The following SNX25 variants were observed in gnomAD, a reference collection of about 807,000 sequenced individuals.
SNX25 encodes sorting nexin-25.
SNX25 carries 62 observed loss-of-function variants against 113.7 expected under a neutral mutation model. The ratio of observed to expected loss-of-function variants is 0.55; its 90% CI spans 0.44 to 0.67. The LOEUF (loss-of-function observed/expected upper bound fraction) is 0.67, where lower values mean the gene tolerates loss of function less well. Ranked by LOEUF, SNX25 falls within the 30% of genes least tolerant of loss-of-function variation. The probability of loss-of-function intolerance (pLI) is 0.00; values close to 1 mark genes in which losing one functional copy is unlikely to be tolerated. For synonymous variants in SNX25, 421 were observed against 436.2 expected (o/e 0.97, Z 0.43); for missense variants, 1,014 against 1,161.0 (o/e 0.87, Z 1.84).
intron 14 of SNX25, among the ~76,000 whole-genome samples, chr4:185,352,216 G>A (rs895450956): frequency 6.6e-6 from 1 of 152,176 alleles, no homozygotes; most frequent in Non-Finnish European, 1.5e-5. Context: ...AGAGTAGGCT[G>A]TGCACTCCTG....
In SNX25 at chr4:185,298,746, A is replaced by G. The variant is rs576948618; in HGVS notation, c.1162+10664A>G. 7.3e-5 allele frequency among the ~76,000 whole-genome samples: 11 copies of G among 151,502 alleles called. No homozygotes were observed. The South Asian group carries it at 1.9e-3, about 26-fold the overall frequency. ...TTTCTTCTTCTTGAAGTGCTACCCT[A>G]CTCTCGATATCACTCTGTCTAGATA... On this transcript the variant is annotated intron_variant, in intron 6 of 18. Transcript: ENST00000652585.
In SNX25 at chr4:185,320,739, C is replaced by G; in HGVS notation, c.1351C>G (p.Gln451Glu). The change falls in exon 8 of 19, where the codon CAG (glutamine) becomes GAG (glutamate). Residue 451 changes from glutamine (Q) to glutamate (E), a missense_variant. Coordinates refer to ENST00000652585, the MANE Select transcript of SNX25 (RefSeq NM_001378034.2). Reference protein sequence around the residue: ...GEGPQSQKILQFEDILANTFY... With the variant: ...GEGPQSQKILEFEDILANTFY... ...TCTTAAATTCTCTTAATAGATTCTT[C>G]AGTTTGAAGATATCTTGGCCAATAC... is the stretch of plus-strand genomic sequence containing the variant. The G allele has an allele frequency of 6.6e-7, 1 of 1,518,428 alleles. No homozygotes were observed. The highest frequency in any genetic ancestry group is 8.8e-7 in the Non-Finnish European group (1 of 1,134,950). 94.1% of individuals were successfully genotyped at this position (1,518,428 alleles called of 1,614,324 possible). A position where few individuals can be genotyped will look rare whatever the true frequency, so the allele number is the denominator to read the frequency against.
intron 1 of SNX25, among the ~76,000 whole-genome samples, chr4:185,238,619 G>C (rs1486878554): frequency 6.6e-6 from 1 of 152,140 alleles, no homozygotes; most frequent in Non-Finnish European, 1.5e-5. Context: ...TACTTGGAGA[G>C]ACTCAGCCAT....
At chr4:185,254,491 A>G (rs1400216275) in intron 2 of SNX25, among the ~76,000 whole-genome samples, 1 of 152,150 alleles carries the variant, frequency 6.6e-6, no homozygotes, top group African/African-American at 2.4e-5. Flanking sequence ...CGCTCAGGGG[A>G]AAAGACAAGG....
At chr4:185,256,624 CTT>C (rs35160292) in intron 2 of SNX25, among the ~76,000 whole-genome samples, 18 of 112,544 alleles carry the variant, frequency 1.6e-4, no homozygotes, top group Admixed American at 2.2e-4. Flanking sequence ...ACCTAAATTT[CTT>C]TTTTTTTTTT....
intron 15 of SNX25, among the ~76,000 whole-genome samples, chr4:185,355,357 A>G (rs78007466): frequency 0.014 from 2,107 of 152,372 alleles, 50 homozygotes; most frequent in African/African-American, 0.049. Context: ...CTAAGAGAAT[A>G]TAAAATGTCA....
Position 185,209,789 on chromosome 4 carries a change from C to T in SNX25, c.-38C>T, listed in dbSNP as rs915177392. ...GGAGCGCCGGCGGGGGACCGGGGGG[C>T]AGGAGATGTGCCTGTCCTTAGCGGC... On this transcript the variant is annotated 5_prime_UTR_variant, in exon 1 of 19. Transcript: ENST00000652585. This position sits in a 1 kb window ranked among gnomAD's most constrained non-coding sequence, Gnocchi z 5.2. 2.0e-4 allele frequency: 201 copies of T among 983,582 alleles called. 1 individual carries two copies. The highest frequency in any genetic ancestry group is 2.3e-4 in the Non-Finnish European group (193 of 829,320). 60.9% of individuals were successfully genotyped at this position (983,582 alleles called of 1,614,324 possible).
intron 2 of SNX25, among the ~76,000 whole-genome samples, chr4:185,253,492 G>A (rs375826211): frequency 1.4e-5 from 2 of 146,520 alleles, no homozygotes; most frequent in South Asian, 2.1e-4. Context: ...TTTTGAGACC[G>A]AGTCTTACTC....
At chr4:185,301,005 T>C (rs1245576213) in intron 6 of SNX25, among the ~76,000 whole-genome samples, 1 of 152,136 alleles carries the variant, frequency 6.6e-6, no homozygotes, top group Non-Finnish European at 1.5e-5. Context: ...GACCTTTTCC[T>C]ACCCTCCTTT....
chr4:185,270,595 A>G (rs1334050435), intron 5 of SNX25, among the ~76,000 whole-genome samples: 1 of 150,980 alleles, frequency 6.6e-6, no homozygotes, highest in Non-Finnish European at 1.5e-5. Flanking sequence ...TAGTGTATTC[A>G]GAGACTCTGA....
chr4:185,240,986 T>A (rs1162812647), intron 1 of SNX25, among the ~76,000 whole-genome samples: 2 of 147,570 alleles, frequency 1.4e-5, no homozygotes, highest in Admixed American at 6.8e-5. Flanking sequence ...CGCTCCTCAC[T>A]TTCCAGACTG....
chr4:185,378,035 C>T, the SNX25 span: 1 of 1,452,914 alleles, frequency 6.9e-7, no homozygotes, highest in South Asian at 1.2e-5. Context: ...GCAAAATGAA[C>T]TGTTAAAGTG....
rs558869881 is a variant in SNX25, at chr4:185,324,710, G to A, written c.1749+910G>A. ...TTCAGCTATTAGGCTGATGCCCTTT[G>A]GATTTAGGTGGTTTTTGATCAAGGG... is the stretch of plus-strand genomic sequence containing the variant. On this transcript the variant is annotated intron_variant, in intron 9 of 18. Coordinates refer to ENST00000652585, the MANE Select transcript of SNX25 (RefSeq NM_001378034.2). 1.1e-4 allele frequency among the ~76,000 whole-genome samples: 17 copies of A among 152,244 alleles called. No individual in the cohort carries two copies. In the South Asian group the frequency reaches 3.3e-3, roughly 30 times the overall value.
Position 185,332,725 on chromosome 4 carries a change from A to G in SNX25, c.1880A>G (p.Asn627Ser). 6.2e-7 allele frequency: 1 copy of G among 1,613,948 alleles called. No individual in the cohort carries two copies. Among genetic ancestry groups the G allele is most frequent in the Non-Finnish European group, 8.5e-7 (1 of 1,179,964 alleles). The stretch of plus-strand genomic sequence containing the variant: ...CTTGAATATAAAAGGCAAGCTCTAA[A>G]TTCTATTCAAAATGCACCAAAACCT... ...EKLEYKRQALNSIQNAPKPDK... is the reference protein window; with the variant it reads ...EKLEYKRQALSSIQNAPKPDK... The change falls in exon 10 of 19, where the codon AAT becomes AGT. Residue 627 changes from asparagine to serine, a missense_variant. Physicochemically the swap from Asn to Ser is conservative, Grantham distance 46. Coordinates refer to ENST00000652585, the MANE Select transcript of SNX25 (RefSeq NM_001378034.2).
chr4:185,292,267 C>T (rs1579650376), intron 6 of SNX25, among the ~76,000 whole-genome samples: 1 of 151,694 alleles, frequency 6.6e-6, no homozygotes, highest in South Asian at 2.1e-4. Context: ...GAAGCAGTGA[C>T]GAGGGGAAAA....
At chr4:185,311,554 T>C (rs992713915) in intron 7 of SNX25, among the ~76,000 whole-genome samples, 1 of 152,216 alleles carries the variant, frequency 6.6e-6, no homozygotes, top group African/African-American at 2.4e-5. Flanking sequence ...GGAGCTTAGC[T>C]GTGCCGTGGA....
At chr4:185,370,328 C>T (rs1222740263), downstream of SNX25, 1 of 269,946 alleles carries the variant, frequency 3.7e-6, no homozygotes, top group Non-Finnish European at 7.4e-6. Context: ...TACATTCACA[C>T]TTGTTCTAGA....
At chr4:185,339,644 C>G in intron 11 of SNX25, 134 bp downstream of exon 11, 1 of 1,163,368 alleles carries the variant, frequency 8.6e-7, no homozygotes, top group Non-Finnish European at 1.2e-6. Context: ...TCCTACCTTC[C>G]TTCCCCCACA....
rs535161398 is a variant in SNX25 at position 185,224,251 on chromosome 4, C to G, written c.429+13996C>G. ...CCTGTAATCCCAGCTACTCGGGAGG[C>G]GAGGCAGGAGAATTGCTTGAACCCA... is the stretch of plus-strand genomic sequence containing the variant. On this transcript the variant is annotated intron_variant, in intron 1 of 18. Transcript: ENST00000652585. Among the ~76,000 whole-genome samples the G allele has an allele frequency of 6.6e-5, 10 of 151,244 alleles. No individual in the cohort carries two copies. The South Asian group carries it at 1.9e-3, about 28-fold the overall frequency.
Sources: gnomAD v4.1 joint callset for allele counts (sites outside exome capture counted in the v4.1 genomes callset) on GRCh38, gnomAD v4.1.1 for gene constraint, Gnocchi (gnomAD v3.1) non-coding constraint, MANE v1.5 for transcripts, NCBI Gene and HGNC (gene_info 2026-07-23, HGNC 2026-07-21) for gene names.